Variants in SPON1 observed in about 807,000 individuals in gnomAD.
The protein encoded by SPON1 is spondin 1.
SPON1 carries 52 observed loss-of-function variants against 111.7 expected under a neutral mutation model. That is an observed-to-expected ratio of 0.47 (90% CI 0.37 to 0.59). The LOEUF is 0.59. SPON1 is among the 20% of genes least tolerant of loss of function. SPON1 has a pLI of 0.00. For missense variants in SPON1, 957 were observed against 1,068.5 expected, an observed-to-expected ratio of 0.90 and a Z score of 1.46; for synonymous variants, 410 against 395.8, an observed-to-expected ratio of 1.04 and a Z score of -0.43.
At chr11:14,097,962 T>C (rs1470022676) in intron 5 of SPON1, among the ~76,000 whole-genome samples, 4 of 152,216 alleles carry the variant, frequency 2.6e-5, no homozygotes, top group Non-Finnish European at 5.9e-5. Flanking sequence ...ATGTTAAATA[T>C]AGATGTACAC....
intron 7 of SPON1, among the ~76,000 whole-genome samples, chr11:14,247,613 G>A (rs560226514): frequency 6.6e-6 from 1 of 152,310 alleles, no homozygotes; most frequent in Non-Finnish European, 1.5e-5. Context: ...GTACAGAGAT[G>A]TGTGAGGCAC....
chr11:14,256,307 G>A (rs978305114), intron 9 of SPON1, among the ~76,000 whole-genome samples: 3 of 152,206 alleles, frequency 2.0e-5, no homozygotes, highest in Non-Finnish European at 4.4e-5. Flanking sequence ...GAGGCCCAGT[G>A]CTCAAATGAA....
rs1554941405 is a variant in SPON1, at chr11:14,257,852, C to T, written c.1446C>T (p.Asp482=). ...TGGACCTCAGCGTCCCCTGCCCTGA[C>T]ACCCAGGACTTCCAGCCCTGCATGG... ...AQLDLSVPCP[D]TQDFQPCMGP... The change falls in exon 11 of 16, where the codon GAC becomes GAT. Residue 482 remains aspartate, a synonymous_variant. Coordinates refer to ENST00000576479, the MANE Select transcript of SPON1 (RefSeq NM_006108.4). The T allele has an allele frequency of 6.3e-7, 1 of 1,586,374 alleles. No homozygotes were observed. Among genetic ancestry groups the T allele is most frequent in the Admixed American group, 1.8e-5 (1 of 55,736 alleles).
intron 3 of SPON1, among the ~76,000 whole-genome samples, chr11:14,068,189 A>G (rs782761583): frequency 3.9e-5 from 6 of 152,208 alleles, no homozygotes; most frequent in Non-Finnish European, 5.9e-5. Flanking sequence ...AATGGTATTG[A>G]CAAGTTATAT....
intron 3 of SPON1, among the ~76,000 whole-genome samples, chr11:14,061,721 C>A (rs973675424): frequency 6.6e-5 from 10 of 152,192 alleles, no homozygotes; most frequent in African/African-American, 2.4e-4. Context: ...GCTATTTAGT[C>A]AACAGTCAGA....
At chr11:14,084,369 A>T (rs1050888577) in intron 5 of SPON1, among the ~76,000 whole-genome samples, 3 of 151,268 alleles carry the variant, frequency 2.0e-5, no homozygotes, top group African/African-American at 7.3e-5. Flanking sequence ...TCATTGTTCA[A>T]CTCCCACTTA....
At chr11:14,197,515 A>T (rs1848415560) in intron 6 of SPON1, among the ~76,000 whole-genome samples, 2 of 151,252 alleles carry the variant, frequency 1.3e-5, no homozygotes, top group Non-Finnish European at 3.0e-5. Flanking sequence ...AAATAAATAA[A>T]TAAATAAACA....
intron 1 of SPON1, among the ~76,000 whole-genome samples, chr11:13,977,551 A>C (rs1413492864): frequency 6.6e-6 from 1 of 151,986 alleles, no homozygotes; most frequent in African/African-American, 2.4e-5. Context: ...TTTCTTATTG[A>C]TCTGAAATAG....
chr11:14,080,034 G>T lies in SPON1; in HGVS notation c.676+13G>T, dbSNP rs1157563372. 1 of 1,613,778 alleles carries T rather than the reference G, an allele frequency of 6.2e-7. No individual in the cohort carries two copies. Among genetic ancestry groups the T allele is most frequent in the East Asian group, 2.2e-5 (1 of 44,846 alleles). On this transcript the variant is annotated intron_variant, in intron 5 of 15. Coordinates refer to ENST00000576479, the MANE Select transcript of SPON1 (RefSeq NM_006108.4). ...AAGGATTACCCTCGTGAGTAGAGTG[G>T]CTACTCTGTGGTTTGGGGAAAAGCA...
chr11:14,053,062 G>A (rs1848719612), intron 3 of SPON1, among the ~76,000 whole-genome samples: 1 of 152,164 alleles, frequency 6.6e-6, no homozygotes, highest in Non-Finnish European at 1.5e-5. Context: ...GATGGAGTGG[G>A]AGTTGCCAAT....
At chr11:14,188,118 C>T (rs183250299) in intron 6 of SPON1, among the ~76,000 whole-genome samples, 61 of 152,144 alleles carry the variant, frequency 4.0e-4, no homozygotes, top group Middle Eastern at 3.4e-3. Context: ...ATGTTGGCCA[C>T]GCTGGTCTCA....
chr11:14,266,362 A>G lies in SPON1; in HGVS notation c.*675A>G, dbSNP rs573245015. On this transcript the variant is annotated 3_prime_UTR_variant, in exon 16 of 16. Coordinates refer to ENST00000576479, the MANE Select transcript of SPON1 (RefSeq NM_006108.4). ...AATTATGGCTGCTTTATTTAAATAT[A>G]AGGTAGCTAGTTTTTACACCTGAGA... The G allele has an allele frequency of 1.3e-5, 2 of 152,308 alleles. No individual in the cohort carries two copies. Among genetic ancestry groups the G allele is most frequent in the East Asian group, 3.9e-4 (2 of 5,182 alleles). 9.4% of individuals were successfully genotyped at this position (152,308 alleles called of 1,614,324 possible). A position where few individuals can be genotyped will look rare whatever the true frequency, so the allele number is the denominator to read the frequency against.
intron 1 of SPON1, among the ~76,000 whole-genome samples, chr11:13,966,208 C>G (rs913119550): frequency 3.9e-5 from 6 of 152,180 alleles, no homozygotes; most frequent in African/African-American, 1.4e-4. Flanking sequence ...CACAGTCCCC[C>G]CTCCCTCCAA....
chr11:14,179,642 C>G (rs1848217207), intron 6 of SPON1, among the ~76,000 whole-genome samples: 1 of 152,134 alleles, frequency 6.6e-6, no homozygotes, highest in South Asian at 2.1e-4. Context: ...ACAGTTTCCT[C>G]ATCTAAATGA....
intron 6 of SPON1, among the ~76,000 whole-genome samples, chr11:14,183,061 T>A (rs1554933821): frequency 6.6e-6 from 1 of 152,204 alleles, no homozygotes; most frequent in Non-Finnish European, 1.5e-5. Context: ...TGAAATGGCT[T>A]TATAGTTAGG....
intron 6 of SPON1, among the ~76,000 whole-genome samples, chr11:14,168,233 A>T (rs1183948655): frequency 6.6e-6 from 1 of 152,228 alleles, no homozygotes; most frequent in Non-Finnish European, 1.5e-5. Context: ...TAAAGCATTT[A>T]GCAAATCTGA....
intron 5 of SPON1, among the ~76,000 whole-genome samples, chr11:14,090,420 A>T (rs763464175): frequency 1.6e-4 from 24 of 152,144 alleles, no homozygotes; most frequent in Admixed American, 3.3e-4. Flanking sequence ...TTCAAGAATG[A>T]AGCCGCGGAC....
Position 14,262,758 on chromosome 11 carries a change from C to CA in SPON1, c.2045dup (p.Ser683ValfsTer59). 2 of 1,613,900 alleles carry CA rather than the reference C, an allele frequency of 1.2e-6. No homozygotes were observed. The highest frequency in any genetic ancestry group is 8.5e-7 in the Non-Finnish European group (1 of 1,179,868). On this transcript the variant is annotated frameshift_variant, in exon 15 of 16. Coordinates refer to ENST00000576479, the MANE Select transcript of SPON1 (RefSeq NM_006108.4). LOFTEE classifies it high-confidence loss of function. ...AGTGGTCCCAGTGGTCGGAATGTAA[C>CA]AAGTCATGTGGGAAAGGCCACGTGA...
intron 6 of SPON1, among the ~76,000 whole-genome samples, chr11:14,142,372 TC>T (rs1554928868): frequency 6.6e-6 from 1 of 152,154 alleles, no homozygotes; most frequent in African/African-American, 2.4e-5. Flanking sequence ...TCCTTTACCA[TC>T]TACTTCAACT....
Sources: allele counts gnomAD v4.1 joint callset (sites outside exome capture counted in the v4.1 genomes callset), GRCh38; gene constraint gnomAD v4.1.1; transcripts MANE v1.5; gene names NCBI Gene and HGNC (gene_info 2026-07-23, HGNC 2026-07-21).